RABGAP1L: variants seen among roughly 807,000 people sequenced by gnomAD.
RABGAP1L encodes the protein rab GTPase-activating protein 1-like.
RABGAP1L carries 63 observed loss-of-function variants against 137.7 expected under a neutral mutation model. The ratio of observed to expected loss-of-function variants is 0.46; its 90% CI spans 0.37 to 0.56. RABGAP1L has a LOEUF of 0.56. Among genes scored for constraint, RABGAP1L ranks in the 20% least tolerant of loss-of-function variants. The pLI is 0.00. For synonymous variants in RABGAP1L, 431 were observed against 433.7 expected (o/e 0.99, Z 0.08); for missense variants, 1,095 against 1,244.0 (o/e 0.88, Z 1.80).
intron 14 of RABGAP1L, among the ~76,000 whole-genome samples, chr1:174,643,884 A>G (rs1290913790): frequency 6.6e-6 from 1 of 151,740 alleles, no homozygotes; most frequent in African/African-American, 2.4e-5. Context: ...AAATCTTAGC[A>G]ACCCAAAGTT....
intron 19 of RABGAP1L, among the ~76,000 whole-genome samples, chr1:174,873,284 T>C (rs891064198): frequency 1.3e-5 from 2 of 152,094 alleles, no homozygotes; most frequent in African/African-American, 4.8e-5. Context: ...TTGGCCAGGC[T>C]GGTCTCCAAC....
intron 11 of RABGAP1L, among the ~76,000 whole-genome samples, chr1:174,360,022 C>G (rs1409106245): frequency 6.6e-6 from 1 of 152,148 alleles, no homozygotes; most frequent in Admixed American, 6.5e-5. Context: ...CATCAGGGAT[C>G]TGGTTTTACT....
intron 19 of RABGAP1L, among the ~76,000 whole-genome samples, chr1:174,824,699 A>C (rs1691392776): frequency 6.6e-6 from 1 of 152,138 alleles, no homozygotes; most frequent in South Asian, 2.1e-4. Flanking sequence ...CATTTCTCCA[A>C]CTCAGATCCA....
At chr1:174,821,867 C>A (rs550084628) in intron 19 of RABGAP1L, among the ~76,000 whole-genome samples, 1 of 152,268 alleles carries the variant, frequency 6.6e-6, no homozygotes, top group South Asian at 2.1e-4. Context: ...CTATAAAGAC[C>A]TCTATATGTT....
At chr1:174,916,076 G>A (rs1183405369) in intron 19 of RABGAP1L, among the ~76,000 whole-genome samples, 4 of 113,594 alleles carry the variant, frequency 3.5e-5, no homozygotes, top group African/African-American at 6.5e-5. Flanking sequence ...TTTTTCTTTA[G>A]TTTTTTTTTT....
chr1:174,417,262 G>T (rs1317442338), intron 13 of RABGAP1L, among the ~76,000 whole-genome samples: 1 of 152,096 alleles, frequency 6.6e-6, no homozygotes, highest in Non-Finnish European at 1.5e-5. Flanking sequence ...AAGCCAATTT[G>T]AATTGTGGCC....
At chr1:174,867,992 G>A (rs2149044232) in intron 19 of RABGAP1L, among the ~76,000 whole-genome samples, 1 of 151,622 alleles carries the variant, frequency 6.6e-6, no homozygotes, top group African/African-American at 2.4e-5. Flanking sequence ...TTTTGATGGA[G>A]TCTTGCTCCG....
Position 174,675,450 on chromosome 1 carries a change from C to T in RABGAP1L, c.1825-8072C>T, listed in dbSNP as rs1169810003. Among the ~76,000 whole-genome samples the T allele has an allele frequency of 2.6e-5, 4 of 151,116 alleles. No homozygotes were observed. In the East Asian group the frequency reaches 5.8e-4, roughly 22 times the overall value. ...TCTGTTCTGTTCCATTGATCTATAT[C>T]TCTGTTTTGGTACCAGTACCATGCT... is the stretch of plus-strand genomic sequence containing the variant. On this transcript the variant is annotated intron_variant, in intron 14 of 25. Transcript: ENST00000681986.
chr1:174,618,740 C>G (rs904828110), intron 13 of RABGAP1L, among the ~76,000 whole-genome samples: 8 of 152,148 alleles, frequency 5.3e-5, no homozygotes. Flanking sequence ...AGTGCCTCTC[C>G]TCCTCCAAAA....
In RABGAP1L at chr1:174,434,792, G is replaced by T. The variant is rs562245870; in HGVS notation, c.1710+40647G>T. On this transcript the variant is annotated intron_variant, in intron 13 of 25. Transcript: ENST00000681986. The stretch of plus-strand genomic sequence containing the variant: ...TTATTTGTATATCTTCTTTTGTGAA[G>T]TGTCTTCCAGTTTTTTCACCATTTT... Among the ~76,000 whole-genome samples the T allele has an allele frequency of 2.0e-5, 3 of 152,136 alleles. No individual in the cohort carries two copies. In the East Asian group the frequency reaches 5.8e-4, roughly 29 times the overall value.
intron 14 of RABGAP1L, among the ~76,000 whole-genome samples, chr1:174,661,132 T>C (rs951377621): frequency 1.3e-5 from 2 of 152,210 alleles, no homozygotes; most frequent in African/African-American, 2.4e-5. Flanking sequence ...GAACTACTAT[T>C]AGAAAACTTT....
chr1:174,691,546 G>T (rs927082640), intron 15 of RABGAP1L, among the ~76,000 whole-genome samples: 6 of 152,062 alleles, frequency 3.9e-5, no homozygotes, highest in Non-Finnish European at 5.9e-5. Context: ...ATAAAGCCAT[G>T]GATGATATTT....
intron 4 of RABGAP1L, 91 bp from the exon 5 acceptor site, chr1:174,241,392 C>G: frequency 1.2e-6 from 1 of 839,198 alleles, no homozygotes; most frequent in Admixed American, 3.4e-5. Flanking sequence ...ACTATTTGTT[C>G]TTTTTTTTTA....
At chr1:174,281,909 C>T (rs146848432) in intron 10 of RABGAP1L, among the ~76,000 whole-genome samples, 1 of 152,316 alleles carries the variant, frequency 6.6e-6, no homozygotes, top group East Asian at 1.9e-4. Context: ...GACTGATGTG[C>T]TGTCATTACA....
At chr1:174,364,922 T>C (rs955836875) in intron 11 of RABGAP1L, among the ~76,000 whole-genome samples, 6 of 152,156 alleles carry the variant, frequency 3.9e-5, no homozygotes, top group African/African-American at 1.4e-4. Flanking sequence ...AGAAATGTTA[T>C]CCAGGAGCTG....
At chr1:174,983,016 G>C (rs1671266384) in intron 24 of RABGAP1L, 111 bp downstream of exon 24, 1 of 1,149,144 alleles carries the variant, frequency 8.7e-7, no homozygotes. Context: ...TTTATTAATA[G>C]GAATTATGGA....
chr1:174,690,423 C>T (rs1678791526), intron 15 of RABGAP1L, among the ~76,000 whole-genome samples: 1 of 152,148 alleles, frequency 6.6e-6, no homozygotes, highest in Admixed American at 6.6e-5. Flanking sequence ...CTTTGAACTT[C>T]ACTAGTATTA....
At chr1:174,534,145 T>C (rs959931951) in intron 13 of RABGAP1L, among the ~76,000 whole-genome samples, 2 of 146,658 alleles carry the variant, frequency 1.4e-5, no homozygotes, top group African/African-American at 5.1e-5. Context: ...TGTGTGTGTG[T>C]GTGTGTGTGT....
At chr1:174,421,178 A>T (rs1460882425) in intron 13 of RABGAP1L, among the ~76,000 whole-genome samples, 2 of 151,464 alleles carry the variant, frequency 1.3e-5, no homozygotes, top group Non-Finnish European at 2.9e-5. Context: ...GACACTTCAT[A>T]TTTTTTTTTA....
Sources: allele counts gnomAD v4.1 joint callset (sites outside exome capture counted in the v4.1 genomes callset), GRCh38; gene constraint gnomAD v4.1.1; transcripts MANE v1.5; gene names NCBI Gene and HGNC (gene_info 2026-07-23, HGNC 2026-07-21).